LRP1B: variants seen among roughly 807,000 people sequenced by gnomAD.
LRP1B encodes the protein low-density lipoprotein receptor-related protein 1B.
LRP1B carries 217 observed loss-of-function variants against 556.6 expected under a neutral mutation model. That is an observed-to-expected ratio of 0.39 (90% CI 0.35 to 0.44). The LOEUF is 0.44. Among genes scored for constraint, LRP1B ranks in the 20% least tolerant of loss-of-function variants. LRP1B has a pLI of 1.00. For synonymous variants in LRP1B, 2,047 were observed against 1,865.8 expected (o/e 1.10, Z -2.50); for missense variants, 5,053 against 5,620.8 (o/e 0.90, Z 3.23).
chr2:141,815,669 G>A (rs963922448), intron 1 of LRP1B, among the ~76,000 whole-genome samples: 3 of 152,246 alleles, frequency 2.0e-5, no homozygotes, highest in East Asian at 1.9e-4. Flanking sequence ...GGACAAAAAC[G>A]GAACATGGGA....
At position 141,482,722 on chromosome 2, in the gene LRP1B, G is replaced by A. The variant is rs549741594; in HGVS notation, c.206-2189C>T. 9.9e-5 allele frequency among the ~76,000 whole-genome samples: 15 copies of A among 151,980 alleles called. 1 individual carries two copies. Among genetic ancestry groups the A allele is most frequent in the African/African-American group, 3.1e-4 (13 of 41,498 alleles). ...CTTCTATGACCAACATCATAAAGTAGCTTTTTAAAATTACTTGGCTGATTC... is the reference window on the plus strand; with the variant it reads ...CTTCTATGACCAACATCATAAAGTAACTTTTTAAAATTACTTGGCTGATTC... On this transcript the variant is annotated intron_variant, in intron 2 of 90. Transcript: ENST00000389484.
chr2:141,450,208 TTTG>T (rs1681364007), intron 3 of LRP1B, among the ~76,000 whole-genome samples: 1 of 152,190 alleles, frequency 6.6e-6, no homozygotes, highest in African/African-American at 2.4e-5. Context: ...ATCTACTGCC[TTTG>T]TTTTTATTAG....
chr2:141,829,111 T>C (rs1342607271), intron 1 of LRP1B, among the ~76,000 whole-genome samples: 1 of 152,054 alleles, frequency 6.6e-6, no homozygotes, highest in Non-Finnish European at 1.5e-5. Flanking sequence ...CTATTTATAT[T>C]ATTACTAAAA....
intron 43 of LRP1B, among the ~76,000 whole-genome samples, chr2:140,577,397 C>T (rs910709879): frequency 6.6e-5 from 10 of 150,986 alleles, no homozygotes; most frequent in East Asian, 6.0e-4. Context: ...GCAGGAGAAT[C>T]GCTTGAACTT....
chr2:142,120,407 C>T (rs537803146), intron 1 of LRP1B, among the ~76,000 whole-genome samples: 41 of 152,228 alleles, frequency 2.7e-4, no homozygotes, highest in African/African-American at 7.9e-4. Context: ...CCACCATGCC[C>T]GGCCTTTACT....
At chr2:140,289,494 A>T (rs934927242) in intron 84 of LRP1B, among the ~76,000 whole-genome samples, 3 of 152,076 alleles carry the variant, frequency 2.0e-5, no homozygotes, top group Non-Finnish European at 4.4e-5. Flanking sequence ...TGTAGTTTCA[A>T]ATCACATATG....
chr2:140,293,672 T>C (rs1164605771), intron 84 of LRP1B, among the ~76,000 whole-genome samples: 1 of 152,154 alleles, frequency 6.6e-6, no homozygotes, highest in African/African-American at 2.4e-5. Context: ...CACTGAACCT[T>C]GTCGGCTTAC....
chr2:140,286,418 C>T (rs895193998), intron 84 of LRP1B, among the ~76,000 whole-genome samples: 1 of 151,742 alleles, frequency 6.6e-6, no homozygotes, highest in Non-Finnish European at 1.5e-5. Context: ...ATGAGAGAGC[C>T]CTTGGACATC....
chr2:140,895,872 T>A (rs1693939239), intron 23 of LRP1B, among the ~76,000 whole-genome samples: 1 of 152,170 alleles, frequency 6.6e-6, no homozygotes, highest in African/African-American at 2.4e-5. Context: ...GCCAAGCTGT[T>A]TTTTTCTCTT....
chr2:141,273,741 A>G (rs769393038), intron 3 of LRP1B, among the ~76,000 whole-genome samples: 25 of 152,208 alleles, frequency 1.6e-4, no homozygotes, highest in Non-Finnish European at 2.9e-4. Flanking sequence ...GGACTTAACA[A>G]AAGTATTTAT....
At chr2:140,489,715 G>A (rs1409229623) in intron 57 of LRP1B, among the ~76,000 whole-genome samples, 1 of 152,028 alleles carries the variant, frequency 6.6e-6, no homozygotes, top group Non-Finnish European at 1.5e-5. Flanking sequence ...ATTCTGTGAT[G>A]GCTTGGCAAT....
At chr2:140,982,738 G>C (rs148337735) in intron 17 of LRP1B, among the ~76,000 whole-genome samples, 2 of 152,144 alleles carry the variant, frequency 1.3e-5, no homozygotes, top group African/African-American at 4.8e-5. Flanking sequence ...CTAATCATGG[G>C]GTCGAATTGT....
At chr2:141,386,946 T>C (rs1009826993) in intron 3 of LRP1B, among the ~76,000 whole-genome samples, 2 of 152,054 alleles carry the variant, frequency 1.3e-5, no homozygotes, top group East Asian at 1.9e-4. Flanking sequence ...ATAGATAGTA[T>C]GTAATGCCAA....
chr2:141,503,160 A>T (rs1376153018), intron 2 of LRP1B, among the ~76,000 whole-genome samples: 1 of 148,280 alleles, frequency 6.7e-6, no homozygotes, highest in Non-Finnish European at 1.5e-5. Flanking sequence ...ATTATATATG[A>T]GTAATACATG....
intron 2 of LRP1B, among the ~76,000 whole-genome samples, chr2:141,555,105 T>C (rs1162882914): frequency 2.6e-5 from 4 of 151,978 alleles, no homozygotes; most frequent in Admixed American, 2.6e-4. Flanking sequence ...GGACTGGAAA[T>C]GGACAGAATG....
chr2:141,487,307 T>A (rs1683157140), intron 2 of LRP1B, among the ~76,000 whole-genome samples: 1 of 152,156 alleles, frequency 6.6e-6, no homozygotes, highest in South Asian at 2.1e-4. Context: ...TTCTCATCCA[T>A]CTCACCAATG....
intron 1 of LRP1B, among the ~76,000 whole-genome samples, chr2:142,082,262 T>G (rs1705746892): frequency 6.6e-6 from 1 of 152,170 alleles, no homozygotes. Flanking sequence ...TGATACATTT[T>G]CTCACATTTG....
At chr2:141,060,570 C>A (rs988686295) in intron 8 of LRP1B, among the ~76,000 whole-genome samples, 4 of 151,742 alleles carry the variant, frequency 2.6e-5, no homozygotes, top group Non-Finnish European at 5.9e-5. Flanking sequence ...GGGCCATCAA[C>A]CAAGGAACCT....
Position 141,810,416 on chromosome 2 carries a change from G to A in LRP1B, c.83-15C>T, listed in dbSNP as rs1430820001. 1 of 1,611,628 alleles carries A rather than the reference G, an allele frequency of 6.2e-7. No homozygotes were observed. The highest frequency in any genetic ancestry group is 8.5e-7 in the Non-Finnish European group (1 of 1,178,512). On this transcript the variant is annotated splice_polypyrimidine_tract_variant and intron_variant, in intron 1 of 90. Transcript: ENST00000389484. ...CAACTGCTGATCTGAAAATGAAAATGTTTCGAAATAAAATATGAATGATCT... is the reference window on the plus strand; with the variant it reads ...CAACTGCTGATCTGAAAATGAAAATATTTCGAAATAAAATATGAATGATCT...
Sources: allele counts gnomAD v4.1 joint callset (sites outside exome capture counted in the v4.1 genomes callset), GRCh38; gene constraint gnomAD v4.1.1; transcripts MANE v1.5; gene names NCBI Gene and HGNC (gene_info 2026-07-23, HGNC 2026-07-21).